The following LRMDA variants were observed in gnomAD, a reference collection of about 807,000 sequenced individuals.
LRMDA encodes leucine-rich melanocyte differentiation-associated protein.
A neutral mutation model predicts 29.8 loss-of-function variants in LRMDA; 18 were observed. That is an observed-to-expected ratio of 0.60 (90% CI 0.42 to 0.90). The LOEUF (loss-of-function observed/expected upper bound fraction) is 0.90. Ranked by LOEUF, LRMDA falls within the 40% of genes least tolerant of loss-of-function variation. LRMDA has a pLI of 0.00. For missense variants in LRMDA, 273 were observed against 273.9 expected (o/e 1.00, Z 0.02); for synonymous variants, 125 against 109.4 (o/e 1.14, Z -0.89).
chr10:76,492,174 G>A (rs1209993072), intron 6 of LRMDA, among the ~76,000 whole-genome samples: 1 of 152,038 alleles, frequency 6.6e-6, no homozygotes, highest in East Asian at 1.9e-4. Context: ...ACATAGCTCT[G>A]TTTCTCCAGA....
At chr10:76,526,081 G>A (rs1004855596) in intron 6 of LRMDA, among the ~76,000 whole-genome samples, 10 of 84 alleles carry the variant, frequency 0.12, no homozygotes, top group African/African-American at 0.25. Context: ...CTGTACAAAA[G>A]TAGCACATTG....
chr10:75,765,915 C>T (rs1390531412), intron 2 of LRMDA, among the ~76,000 whole-genome samples: 1 of 152,126 alleles, frequency 6.6e-6, no homozygotes, highest in African/African-American at 2.4e-5. Flanking sequence ...ATGCAGCCCT[C>T]CTGTGGGAAG....
intron 6 of LRMDA, among the ~76,000 whole-genome samples, chr10:76,424,715 C>T (rs912925074): frequency 1.3e-5 from 2 of 152,302 alleles, no homozygotes; most frequent in East Asian, 3.9e-4. Context: ...AATTGCAGCT[C>T]AGAAGGCAAA....
intron 2 of LRMDA, among the ~76,000 whole-genome samples, chr10:75,881,574 G>A (rs1412500334): frequency 1.3e-5 from 2 of 151,970 alleles, no homozygotes; most frequent in African/African-American, 4.8e-5. Context: ...TCAGACGTTT[G>A]CATAGGAGTG....
chr10:75,442,630 G>A (rs994692828), intron 2 of LRMDA, among the ~76,000 whole-genome samples: 1 of 152,080 alleles, frequency 6.6e-6, no homozygotes, highest in Non-Finnish European at 1.5e-5. Flanking sequence ...TTTTATGTCG[G>A]TATGTATTGT....
At chr10:75,608,759 C>A (rs7097528) in intron 2 of LRMDA, among the ~76,000 whole-genome samples, 2,627 of 152,166 alleles carry the variant, frequency 0.017, 78 homozygotes, top group African/African-American at 0.06. Flanking sequence ...GGGGCATAAC[C>A]CTTTAAGTGA....
intron 2 of LRMDA, among the ~76,000 whole-genome samples, chr10:75,477,440 T>C (rs569434995): frequency 2.0e-5 from 3 of 152,320 alleles, no homozygotes; most frequent in Middle Eastern, 3.4e-3. Flanking sequence ...GGAAAGCCCT[T>C]ATTTCTACCT....
intron 2 of LRMDA, among the ~76,000 whole-genome samples, chr10:75,728,145 C>T (rs1842652029): frequency 6.6e-6 from 1 of 152,144 alleles, no homozygotes; most frequent in African/African-American, 2.4e-5. Context: ...ACACAGCCAG[C>T]CATCAGTGAA....
intron 2 of LRMDA, among the ~76,000 whole-genome samples, chr10:75,976,361 G>A (rs949537309): frequency 2.6e-5 from 4 of 152,152 alleles, no homozygotes; most frequent in East Asian, 1.9e-4. Flanking sequence ...TTGCCTTCTC[G>A]AACACTCATA....
intron 2 of LRMDA, among the ~76,000 whole-genome samples, chr10:75,824,217 AT>A (rs140216711): frequency 0.013 from 2,027 of 152,218 alleles, 54 homozygotes; most frequent in African/African-American, 0.047. Context: ...TTATCAAAAT[AT>A]TTTTTTCTAC....
At chr10:76,152,168 A>G (rs758230080) in intron 5 of LRMDA, among the ~76,000 whole-genome samples, 4 of 152,024 alleles carry the variant, frequency 2.6e-5, no homozygotes, top group Non-Finnish European at 4.4e-5. Context: ...ATTTATACTT[A>G]CTCCCAATCT....
At chr10:76,387,939 G>A (rs1468680082) in intron 6 of LRMDA, among the ~76,000 whole-genome samples, 1 of 152,120 alleles carries the variant, frequency 6.6e-6, no homozygotes, top group African/African-American at 2.4e-5. Context: ...TTTTGACTGG[G>A]TCAAACATCA....
chr10:75,498,426 T>G (rs1845073799), intron 2 of LRMDA, among the ~76,000 whole-genome samples: 1 of 152,154 alleles, frequency 6.6e-6, no homozygotes, highest in African/African-American at 2.4e-5. Flanking sequence ...AGCTGGGAGC[T>G]CCACCTCCCA....
At chr10:75,785,927 T>C (rs1390249317) in intron 2 of LRMDA, among the ~76,000 whole-genome samples, 4 of 152,208 alleles carry the variant, frequency 2.6e-5, no homozygotes, top group Non-Finnish European at 5.9e-5. Flanking sequence ...CTCTGGCACC[T>C]TGGACAACTG....
At chr10:76,446,550 T>G (rs993421552) in intron 6 of LRMDA, among the ~76,000 whole-genome samples, 43 of 152,330 alleles carry the variant, frequency 2.8e-4, no homozygotes, top group African/African-American at 1.0e-3. Flanking sequence ...TTCTTAATAT[T>G]TTGTAACCAT....
At chr10:76,552,996 A>T (rs184669337) in intron 6 of LRMDA, among the ~76,000 whole-genome samples, 7 of 152,326 alleles carry the variant, frequency 4.6e-5, no homozygotes, top group Admixed American at 1.3e-4. Flanking sequence ...CAGAGGGGAA[A>T]AACATGGAAA....
rs7476026 is a variant in LRMDA at position 76,495,947 on chromosome 10, C to T, written c.602-61262C>T. 5.4e-5 allele frequency among the ~76,000 whole-genome samples: 4 copies of T among 74,706 alleles called. 2 individuals carry two copies. The highest frequency in any genetic ancestry group is 5.0e-4 in the Admixed American group (4 of 7,970). The allele number at this position is 74,706 out of a possible 152,430, so 49.0% of individuals were successfully genotyped here. ...TGTTTTATATAGACAATTATGCTGT[C>T]TTGTAACAGAGACTTTTTTTTTCTT... On this transcript the variant is annotated intron_variant, in intron 6 of 6. Transcript: ENST00000611255.
intron 5 of LRMDA, among the ~76,000 whole-genome samples, chr10:76,118,662 C>T (rs1849707709): frequency 1.3e-5 from 2 of 152,006 alleles, no homozygotes; most frequent in Non-Finnish European, 1.5e-5. Flanking sequence ...TCTGTGGCCC[C>T]ATCAGCCTGG....
intron 6 of LRMDA, among the ~76,000 whole-genome samples, chr10:76,506,665 C>A (rs1842962356): frequency 6.6e-6 from 1 of 152,002 alleles, no homozygotes; most frequent in Non-Finnish European, 1.5e-5. Context: ...CACTATTCTA[C>A]TTTTTAGCTC....
Sources: allele counts gnomAD v4.1 joint callset (sites outside exome capture counted in the v4.1 genomes callset), GRCh38; gene constraint gnomAD v4.1.1; transcripts MANE v1.5; gene names NCBI Gene and HGNC (gene_info 2026-07-23, HGNC 2026-07-21).